The following SLC9A9 variants were observed in gnomAD, a reference collection of about 807,000 sequenced individuals.
SLC9A9 encodes sodium/hydrogen exchanger 9.
SLC9A9 carries 62 observed loss-of-function variants against 77.8 expected under a neutral mutation model. The observed-to-expected ratio is 0.80, with a 90% confidence interval of 0.65 to 0.98. The LOEUF is 0.98. Ranked by LOEUF, SLC9A9 falls within the 50% of genes least tolerant of loss-of-function variation. The probability of loss-of-function intolerance (pLI) is 0.00; values close to 1 mark genes in which losing one functional copy is unlikely to be tolerated. For missense variants in SLC9A9, 775 were observed against 774.9 expected (o/e 1.00, Z 0.00); for synonymous variants, 320 against 283.5 (o/e 1.13, Z -1.29).
At chr3:143,553,864 A>G (rs2036934023) in intron 8 of SLC9A9, among the ~76,000 whole-genome samples, 1 of 152,200 alleles carries the variant, frequency 6.6e-6, no homozygotes, top group African/African-American at 2.4e-5. Context: ...CTTATAAACT[A>G]TTTTACTATT....
At position 143,715,266 on chromosome 3, in the gene SLC9A9, C is replaced by T. The variant is rs531606495; in HGVS notation, c.534-21959G>A. 2.0e-5 allele frequency among the ~76,000 whole-genome samples: 3 copies of T among 152,304 alleles called. No individual in the cohort carries two copies. The East Asian group carries it at 5.8e-4, about 29-fold the overall frequency. ...TTTGTCCTTTGCTCAAAGGCCACTG[C>T]TCCAATCAGGTGGTCCTGTCCACAC... On this transcript the variant is annotated intron_variant, in intron 4 of 15. Transcript: ENST00000316549.
intron 14 of SLC9A9, among the ~76,000 whole-genome samples, chr3:143,331,181 C>T (rs1469700004): frequency 6.6e-6 from 1 of 152,148 alleles, no homozygotes; most frequent in African/African-American, 2.4e-5. Flanking sequence ...ATTTACTCCA[C>T]ATATAGCAGC....
intron 2 of SLC9A9, among the ~76,000 whole-genome samples, chr3:143,826,486 A>C (rs2009304126): frequency 6.6e-6 from 1 of 152,028 alleles, no homozygotes; most frequent in Non-Finnish European, 1.5e-5. Context: ...TTACCATCCA[A>C]GTCTAGGCTT....
At chr3:143,386,871 C>T (rs896808783) in intron 12 of SLC9A9, among the ~76,000 whole-genome samples, 7 of 152,142 alleles carry the variant, frequency 4.6e-5, no homozygotes, top group Non-Finnish European at 1.0e-4. Flanking sequence ...GACACAGTCT[C>T]ATTCTGTCAC....
intron 4 of SLC9A9, among the ~76,000 whole-genome samples, chr3:143,703,019 A>G (rs990631521): frequency 1.6e-4 from 24 of 152,126 alleles, no homozygotes; most frequent in Non-Finnish European, 2.1e-4. Context: ...GCAAGAGAAT[A>G]TAATGATTGT....
intron 12 of SLC9A9, among the ~76,000 whole-genome samples, chr3:143,406,978 G>GAAAAA (rs57344964): frequency 2.6e-3 from 182 of 69,214 alleles, no homozygotes; most frequent in Non-Finnish European, 3.2e-3. Context: ...TCCATCTCGA[G>GAAAAA]AAAAAAAAAA....
At chr3:143,567,925 G>A (rs2037194635) in intron 8 of SLC9A9, among the ~76,000 whole-genome samples, 5 of 152,162 alleles carry the variant, frequency 3.3e-5, no homozygotes, top group Admixed American at 3.3e-4. Context: ...CCTAGAGGCT[G>A]TGCCGTCTTT....
At chr3:143,752,834 G>A (rs1161065687) in intron 4 of SLC9A9, among the ~76,000 whole-genome samples, 1 of 152,072 alleles carries the variant, frequency 6.6e-6, no homozygotes, top group African/African-American at 2.4e-5. Context: ...CAATGGATAT[G>A]GAAAAGAAAA....
At chr3:143,570,179 A>T (rs2037235487) in intron 8 of SLC9A9, among the ~76,000 whole-genome samples, 1 of 152,170 alleles carries the variant, frequency 6.6e-6, no homozygotes, top group East Asian at 1.9e-4. Flanking sequence ...AAAACAGTTA[A>T]CAACAACAAA....
chr3:143,553,238 G>C (rs992388493), intron 8 of SLC9A9, among the ~76,000 whole-genome samples: 5 of 152,202 alleles, frequency 3.3e-5, no homozygotes, highest in Admixed American at 2.0e-4. Context: ...CAGAGGAAGA[G>C]CGACCATGAG....
chr3:143,593,499 T>C (rs1011020008), intron 6 of SLC9A9, among the ~76,000 whole-genome samples: 1 of 152,228 alleles, frequency 6.6e-6, no homozygotes, highest in Non-Finnish European at 1.5e-5. Flanking sequence ...AAACCTATTA[T>C]CACCTTCTTG....
intron 4 of SLC9A9, among the ~76,000 whole-genome samples, chr3:143,721,121 A>T (rs1934488053): frequency 6.6e-6 from 1 of 152,162 alleles, no homozygotes; most frequent in Admixed American, 6.5e-5. Context: ...GGGAGGCAGA[A>T]GTGGGAAGAT....
At chr3:143,289,423 C>T (rs1008104065) in intron 14 of SLC9A9, among the ~76,000 whole-genome samples, 1 of 152,180 alleles carries the variant, frequency 6.6e-6, no homozygotes, top group Non-Finnish European at 1.5e-5. Context: ...AGGCTAAGGA[C>T]TCTCAGAGAT....
intron 14 of SLC9A9, among the ~76,000 whole-genome samples, chr3:143,312,731 C>T (rs143982726): frequency 3.6e-4 from 55 of 152,354 alleles, no homozygotes; most frequent in African/African-American, 1.0e-3. Flanking sequence ...CCTGTTCATC[C>T]TTCAGCACAG....
At chr3:143,811,456 G>A (rs112511501) in intron 2 of SLC9A9, among the ~76,000 whole-genome samples, 2 of 152,214 alleles carry the variant, frequency 1.3e-5, no homozygotes, top group African/African-American at 2.4e-5. Context: ...TTCGTACTAT[G>A]GGCATGAAAA....
At chr3:143,435,428 TAAGAA>T (rs1012071958) in intron 12 of SLC9A9, among the ~76,000 whole-genome samples, 8 of 152,196 alleles carry the variant, frequency 5.3e-5, no homozygotes, top group East Asian at 1.9e-4. Context: ...TTTAAATACT[TAAGAA>T]AAGTAATTTA....
chr3:143,845,332 C>T (rs948472440), intron 1 of SLC9A9, among the ~76,000 whole-genome samples: 5 of 152,108 alleles, frequency 3.3e-5, no homozygotes, highest in African/African-American at 1.2e-4. Context: ...ATCTCCTTTC[C>T]CCTATCATTA....
chr3:143,413,764 A>AG (rs773117554), intron 12 of SLC9A9, among the ~76,000 whole-genome samples: 5 of 147,684 alleles, frequency 3.4e-5, no homozygotes, highest in Non-Finnish European at 6.0e-5. Context: ...CAAAGTACAG[A>AG]GATCAGTATT....
At chr3:143,387,147 G>T (rs1033713581) in intron 12 of SLC9A9, among the ~76,000 whole-genome samples, 13 of 152,036 alleles carry the variant, frequency 8.6e-5, no homozygotes, top group African/African-American at 3.1e-4. Context: ...CGCCTGGTTT[G>T]GAATTATTTA....
Sources: gnomAD v4.1 joint callset for allele counts (sites outside exome capture counted in the v4.1 genomes callset) on GRCh38, gnomAD v4.1.1 for gene constraint, MANE v1.5 for transcripts, NCBI Gene and HGNC (gene_info 2026-07-23, HGNC 2026-07-21) for gene names.